GSE1: variants seen among roughly 807,000 people sequenced by gnomAD.
GSE1 encodes genetic suppressor element 1.
In GSE1, 32 loss-of-function variants were observed where a neutral mutation model predicts 112.6. The ratio of observed to expected loss-of-function variants is 0.28; its 90% CI spans 0.21 to 0.38. GSE1 has a LOEUF of 0.38. Among genes scored for constraint, GSE1 ranks in the 10% least tolerant of loss-of-function variants. The pLI is 1.00. For missense variants in GSE1, 2,348 were observed against 1,699.2 expected (o/e 1.38, Z -6.71); for synonymous variants, 1,115 against 735.6 (o/e 1.52, Z -8.35).
intron 1 of GSE1, chr16:85,207,749 C>G (rs577516529): frequency 1.3e-5 from 2 of 152,416 alleles, no homozygotes; most frequent in South Asian, 4.1e-4. Flanking sequence ...AGGAGGACGT[C>G]ACTTGACAGC....
At chr16:85,215,738 T>C (rs1246353687) in intron 1 of GSE1, among the ~76,000 whole-genome samples, 4 of 152,064 alleles carry the variant, frequency 2.6e-5, no homozygotes, top group African/African-American at 9.7e-5. Context: ...CACCACTGCT[T>C]TCAGAGCACA....
At chr16:85,170,041 C>T (rs2074333056) in exon 1 of GSE1, 2 of 984,664 alleles carry the variant, frequency 2.0e-6, no homozygotes, top group South Asian at 9.4e-5. Flanking sequence ...AGACTCCGAC[C>T]TGTCGGAGCT....
intron 1 of GSE1, among the ~76,000 whole-genome samples, chr16:85,236,452 G>A (rs1904675761): frequency 1.3e-5 from 2 of 152,252 alleles, no homozygotes; most frequent in South Asian, 2.1e-4. Flanking sequence ...CCCACTGGGG[G>A]CATAGGAATG....
chr16:85,377,527 T>C (rs9933766), intron 2 of GSE1, among the ~76,000 whole-genome samples: 108,483 of 152,144 alleles, frequency 0.71, 41,669 homozygotes, highest in South Asian at 0.87. Flanking sequence ...GAAGGACTGA[T>C]AGAATATGTG....
intron 1 of GSE1, among the ~76,000 whole-genome samples, chr16:85,632,196 G>C: frequency 6.6e-6 from 1 of 152,236 alleles, no homozygotes. Flanking sequence ...CAGGCTAGGT[G>C]GGGCCCGCTG....
chr16:85,541,733 G>A (rs1156835454), intron 2 of GSE1, among the ~76,000 whole-genome samples: 1 of 152,234 alleles, frequency 6.6e-6, no homozygotes, highest in East Asian at 1.9e-4. Flanking sequence ...GTGTTGATGA[G>A]CAGTACAGGG....
In GSE1 at chr16:85,513,053, A is replaced by T. The variant is rs764406951; in HGVS notation, c.2465-120861A>T. Among the ~76,000 whole-genome samples, 25 of 152,282 alleles carry T rather than the reference A, an allele frequency of 1.6e-4. No homozygotes were observed. The Middle Eastern group carries it at 0.01, about 62-fold the overall frequency. ...CGCTGTCTGCTTTCTCGGGACCCAC[A>T]GCCTGAGTTTTGAGCCCTGTGGGCG... On this transcript the variant is annotated intron_variant, in intron 2 of 2. Coordinates refer to the GSE1 transcript ENST00000637419.
At chr16:85,372,236 T>C (rs905248153) in intron 2 of GSE1, among the ~76,000 whole-genome samples, 1 of 151,992 alleles carries the variant, frequency 6.6e-6, no homozygotes, top group African/African-American at 2.4e-5. Flanking sequence ...CTTGTGCTTG[T>C]GAGATCAAGG....
intron 1 of GSE1, among the ~76,000 whole-genome samples, chr16:85,299,999 T>C (rs1407233974): frequency 2.7e-5 from 4 of 150,354 alleles, no homozygotes; most frequent in Admixed American, 1.3e-4. Flanking sequence ...ATATATAACA[T>C]ACAATTTCCC....
At chr16:85,402,668 T>C (rs2048143428) in intron 2 of GSE1, among the ~76,000 whole-genome samples, 2 of 152,276 alleles carry the variant, frequency 1.3e-5, no homozygotes, top group South Asian at 4.1e-4. Flanking sequence ...ACACCTGTAA[T>C]CCTAGCATTT....
intron 1 of GSE1, among the ~76,000 whole-genome samples, chr16:85,176,912 C>T (rs767582170): frequency 3.3e-5 from 5 of 152,220 alleles, no homozygotes; most frequent in African/African-American, 4.8e-5. Flanking sequence ...GCCCCTCCTC[C>T]CCAGGCCCAG....
intron 2 of GSE1, among the ~76,000 whole-genome samples, chr16:85,532,577 C>T (rs543327963): frequency 1.6e-4 from 25 of 152,226 alleles, no homozygotes; most frequent in Admixed American, 1.6e-3. Flanking sequence ...CTGGGGACCC[C>T]TCCTTCCTGA....
rs548116023 is a variant in GSE1 at position 85,477,623 on chromosome 16, C to T, written c.2464+119980C>T. 1.0e-4 allele frequency among the ~76,000 whole-genome samples: 15 copies of T among 150,122 alleles called. No homozygotes were observed. In the South Asian group the frequency reaches 2.3e-3, roughly 23 times the overall value. The stretch of plus-strand genomic sequence containing the variant: ...TCGCCCAGGCTGGAGTGCAGTGGCG[C>T]GATCTCGGCTCACCGCAACCTCCAC... On this transcript the variant is annotated intron_variant, in intron 2 of 2. Transcript: ENST00000637419.
At chr16:85,563,261 C>T (rs770412065) in intron 1 of GSE1, among the ~76,000 whole-genome samples, 4 of 151,226 alleles carry the variant, frequency 2.6e-5, no homozygotes, top group Non-Finnish European at 4.4e-5. Flanking sequence ...AACATAAAAC[C>T]GTGTGATGTA....
chr16:85,378,774 C>T (rs1048065570), intron 2 of GSE1, among the ~76,000 whole-genome samples: 1 of 152,180 alleles, frequency 6.6e-6, no homozygotes, highest in Non-Finnish European at 1.5e-5. Context: ...AAGCACCTGC[C>T]AGTCCCCTCC....
At chr16:85,306,246 AG>A (rs1253385080) in intron 1 of GSE1, 1 of 154,200 alleles carries the variant, frequency 6.5e-6, no homozygotes, top group East Asian at 1.9e-4. Flanking sequence ...GCTCCTAGCC[AG>A]CCTCATTTCC....
chr16:85,401,587 C>T (rs537696424), intron 2 of GSE1, among the ~76,000 whole-genome samples: 259 of 152,216 alleles, frequency 1.7e-3, no homozygotes, highest in African/African-American at 5.8e-3. Flanking sequence ...ACCTGTGGGG[C>T]GGCCCATCCA....
intron 1 of GSE1, among the ~76,000 whole-genome samples, chr16:85,623,330 C>G (rs958718450): frequency 1.3e-5 from 2 of 151,960 alleles, no homozygotes; most frequent in African/African-American, 4.8e-5. Context: ...TCCCCCACCT[C>G]GGCCTCCCAA....
At position 85,409,712 on chromosome 16, in the gene GSE1, T is replaced by C. The variant is rs78909764; in HGVS notation, c.2464+52069T>C. 7.6e-3 allele frequency among the ~76,000 whole-genome samples: 20 copies of C among 2,626 alleles called. 1 individual carries two copies. Among genetic ancestry groups the C allele is most frequent in the South Asian group, 0.5 (1 of 2 alleles). 1.7% of individuals were successfully genotyped at this position (2,626 alleles called of 152,430 possible). On this transcript the variant is annotated intron_variant, in intron 2 of 2. Coordinates refer to the GSE1 transcript ENST00000637419. ...CCTCACCGTTACACTCAGGGCCCCC[T>C]GGATAATCCTCACTGTTACTCTCAG... is the stretch of plus-strand genomic sequence containing the variant.
Sources: gnomAD v4.1 joint callset for allele counts (sites outside exome capture counted in the v4.1 genomes callset) on GRCh38, gnomAD v4.1.1 for gene constraint, MANE v1.5 for transcripts, NCBI Gene and HGNC (gene_info 2026-07-23, HGNC 2026-07-21) for gene names.